The following TNRC6B variants were observed in gnomAD, a reference collection of about 807,000 sequenced individuals.
TNRC6B encodes trinucleotide repeat-containing gene 6B protein.
Under a neutral mutation model 203.6 loss-of-function variants are expected in TNRC6B, and 52 were observed. The ratio of observed to expected loss-of-function variants is 0.26; its 90% CI spans 0.20 to 0.32. The LOEUF (loss-of-function observed/expected upper bound fraction) is 0.32. Ranked by LOEUF, TNRC6B falls within the 10% of genes least tolerant of loss-of-function variation. The pLI is 1.00. For missense variants in TNRC6B, 1,923 were observed against 2,286.2 expected (o/e 0.84, Z 3.24); for synonymous variants, 838 against 845.7 (o/e 0.99, Z 0.16).
At chr22:40,151,829 T>G (rs915429040) in intron 3 of TNRC6B, among the ~76,000 whole-genome samples, 2 of 149,498 alleles carry the variant, frequency 1.3e-5, no homozygotes, top group African/African-American at 2.5e-5. Context: ...AGAGATTCAT[T>G]CAGACACAAA....
intron 1 of TNRC6B, among the ~76,000 whole-genome samples, chr22:40,098,212 C>A (rs2068200517): frequency 6.6e-6 from 1 of 151,368 alleles, no homozygotes; most frequent in Admixed American, 6.6e-5. Context: ...ATGGTGAAAC[C>A]CCATCTCTAC....
intron 1 of TNRC6B, among the ~76,000 whole-genome samples, chr22:40,093,576 C>T (rs1601811105): frequency 6.6e-6 from 1 of 152,146 alleles, no homozygotes; most frequent in Admixed American, 6.5e-5. Context: ...ACAGTGGAAG[C>T]CACAAGACAA....
chr22:40,075,992 G>A (rs1309714112), intron 1 of TNRC6B, among the ~76,000 whole-genome samples: 1 of 152,162 alleles, frequency 6.6e-6, no homozygotes, highest in Non-Finnish European at 1.5e-5. Context: ...CAAAAAGCCT[G>A]AAAAAGAAAA....
In TNRC6B at chr22:40,083,770, A is replaced by G. The variant is rs192461129; in HGVS notation, c.-120-33285A>G. Among the ~76,000 whole-genome samples, 6 of 152,144 alleles carry G rather than the reference A, an allele frequency of 3.9e-5. No homozygotes were observed. In the East Asian group the frequency reaches 1.2e-3, roughly 29 times the overall value. On this transcript the variant is annotated intron_variant, in intron 1 of 23. Transcript: ENST00000301923. ...TGTTGAAATAGGGGAAAGAGGGGAA[A>G]ATTGATGCAGATTCAGGTAGGTTTA...
In TNRC6B at chr22:40,265,045, A is replaced by C. The variant is rs536632301; in HGVS notation, c.815A>C (p.Asn272Thr). 1.1e-5 allele frequency: 17 copies of C among 1,613,934 alleles called. No individual in the cohort carries two copies. In the Admixed American group the frequency reaches 1.3e-4, roughly 13 times the overall value. The change falls in exon 5 of 23, where the codon AAC becomes ACC. Residue 272 changes from asparagine to threonine, a missense_variant. Asn to Thr is a moderately conservative substitution (Grantham distance 65, BLOSUM62 0). Around this residue, in one of 8 missense-constraint regions of TNRC6B, gnomAD observed 614 missense variants for 587.7 expected, o/e 1.04. Coordinates refer to ENST00000454349, the MANE Select transcript of TNRC6B (RefSeq NM_001162501.2). ...DPKAKSVQSS[N>T]STTENNNGLG... ...AAGGCTAAATCTGTTCAATCTTCCA[A>C]CTCTACTACAGAGAACAACAATGGA...
Position 40,323,947 on chromosome 22 carries a change from G to A in TNRC6B, c.*706G>A, listed in dbSNP as rs985609064. The A allele has an allele frequency of 1.3e-5, 2 of 152,420 alleles. No homozygotes were observed. The highest frequency in any genetic ancestry group is 4.8e-5 in the African/African-American group (2 of 41,424). The allele number at this position is 152,420 out of a possible 1,614,324, so 9.4% of individuals were successfully genotyped here. ...TCTCTGTCTCTGTGTGTGTGCCTGT[G>A]TTCTTCCCTTCTCCCCTGCCCCACC... On this transcript the variant is annotated 3_prime_UTR_variant, in exon 23 of 23. Coordinates refer to ENST00000454349, the MANE Select transcript of TNRC6B (RefSeq NM_001162501.2).
At chr22:40,210,929 C>T (rs1256948491) in intron 1 of TNRC6B, among the ~76,000 whole-genome samples, 2 of 152,112 alleles carry the variant, frequency 1.3e-5, no homozygotes, top group Non-Finnish European at 2.9e-5. Flanking sequence ...GCTATTAGCA[C>T]CCTGCCACCT....
chr22:40,053,189 A>AT (rs937187494), intron 1 of TNRC6B, among the ~76,000 whole-genome samples: 2 of 151,616 alleles, frequency 1.3e-5, no homozygotes, highest in African/African-American at 4.8e-5. Flanking sequence ...CTATGTTTAG[A>AT]TATTGTTATG....
chr22:40,182,578 A>T (rs2069148294), intron 1 of TNRC6B, among the ~76,000 whole-genome samples: 1 of 152,222 alleles, frequency 6.6e-6, no homozygotes, highest in Admixed American at 6.5e-5. Context: ...GCAGTAATTT[A>T]TTAAGCACTG....
In TNRC6B at chr22:40,222,728, C is replaced by CTTTTTTTTTTTTTTTTTTTTTTTTTTTTT. The variant is rs61374373; in HGVS notation, c.6-23282_6-23254dup. Among the ~76,000 whole-genome samples, 9 of 40,214 alleles carry CTTTTTTTTTTTTTTTTTTTTTTTTTTTTT rather than the reference C, an allele frequency of 2.2e-4. 2 individuals are homozygous for CTTTTTTTTTTTTTTTTTTTTTTTTTTTTT. The highest frequency in any genetic ancestry group is 0.023 in the Middle Eastern group (1 of 44). 26.4% of individuals were successfully genotyped at this position (40,214 alleles called of 152,430 possible). A position where few individuals can be genotyped will look rare whatever the true frequency, so the allele number is the denominator to read the frequency against. ...ATCTTGCTGTATTCTCTCTCTCTCT[C>CTTTTTTTTTTTTTTTTTTTTTTTTTTTTT]TTTTTTTTTTTTTTTTTTTTTTTTT... On this transcript the variant is annotated intron_variant, in intron 1 of 22. Coordinates refer to ENST00000454349, the MANE Select transcript of TNRC6B (RefSeq NM_001162501.2).
chr22:40,091,347 C>G (rs930996257), intron 1 of TNRC6B, among the ~76,000 whole-genome samples: 1 of 151,886 alleles, frequency 6.6e-6, no homozygotes, highest in Non-Finnish European at 1.5e-5. Flanking sequence ...GCTTCTAGAG[C>G]TATATAGTAA....
rs908795796 is a variant in TNRC6B, at chr22:40,329,900, C to A, written c.*6659C>A. ...ACCTGAATTTGTTTTTAACAAGAAACTGTACATGGCCAGGAAAAATGGTAC... is the reference window on the plus strand; with the variant it reads ...ACCTGAATTTGTTTTTAACAAGAAAATGTACATGGCCAGGAAAAATGGTAC... On this transcript the variant is annotated 3_prime_UTR_variant, in exon 23 of 23. Coordinates refer to ENST00000454349, the MANE Select transcript of TNRC6B (RefSeq NM_001162501.2). The A allele has an allele frequency of 6.6e-6, 1 of 152,172 alleles. No individual in the cohort carries two copies. Among genetic ancestry groups the A allele is most frequent in the Non-Finnish European group, 1.5e-5 (1 of 68,034 alleles). 9.4% of individuals were successfully genotyped at this position (152,172 alleles called of 1,614,324 possible). A position where few individuals can be genotyped will look rare whatever the true frequency, so the allele number is the denominator to read the frequency against.
chr22:40,205,524 T>G (rs1395723711), intron 1 of TNRC6B, among the ~76,000 whole-genome samples: 1 of 152,192 alleles, frequency 6.6e-6, no homozygotes, highest in African/African-American at 2.4e-5. Flanking sequence ...CCTAGAAGCT[T>G]TGGGATCTAG....
At chr22:40,183,844 G>T (rs2069168623) in intron 1 of TNRC6B, among the ~76,000 whole-genome samples, 2 of 152,066 alleles carry the variant, frequency 1.3e-5, no homozygotes, top group Non-Finnish European at 2.9e-5. Context: ...ACAGGCGCCT[G>T]CCACTACACC....
At chr22:40,232,904 C>T (rs1220586842) in intron 1 of TNRC6B, among the ~76,000 whole-genome samples, 1 of 152,120 alleles carries the variant, frequency 6.6e-6, no homozygotes, top group African/African-American at 2.4e-5. Context: ...GTAATCCCAG[C>T]ACTTTAGGAG....
intron 16 of TNRC6B, among the ~76,000 whole-genome samples, chr22:40,308,956 T>C (rs1233978559): frequency 7.9e-5 from 12 of 152,266 alleles, no homozygotes; most frequent in Admixed American, 4.6e-4. Context: ...TGAGTTTGTT[T>C]TGCGGAGCAA....
intron 1 of TNRC6B, among the ~76,000 whole-genome samples, chr22:40,180,050 AACATT>A (rs1174711760): frequency 2.0e-5 from 3 of 152,236 alleles, no homozygotes; most frequent in Non-Finnish European, 4.4e-5. Context: ...AAGGATTGGA[AACATT>A]ACATTAAAGA....
At chr22:40,259,512 G>A (rs1220181385) in intron 3 of TNRC6B, among the ~76,000 whole-genome samples, 1 of 152,130 alleles carries the variant, frequency 6.6e-6, no homozygotes, top group Non-Finnish European at 1.5e-5. Context: ...GTGAGCCATC[G>A]CGCCTGGCCG....
rs199638017 is a variant in TNRC6B at position 40,312,477 on chromosome 22, T to C, written c.4436-28T>C. 13 of 1,594,266 alleles carry C rather than the reference T, an allele frequency of 8.2e-6. No individual in the cohort carries two copies. In the Admixed American group the frequency reaches 2.3e-4, roughly 29 times the overall value. The stretch of plus-strand genomic sequence containing the variant: ...ATCATTTTTTTTTAACGACCTTCCT[T>C]CTCTAATATTTGTTTTCCTTGTCTC... On this transcript the variant is annotated intron_variant, in intron 17 of 22. Transcript: ENST00000454349.
Sources: allele counts gnomAD v4.1 joint callset (sites outside exome capture counted in the v4.1 genomes callset), GRCh38; gene constraint gnomAD v4.1.1; regional missense constraint gnomAD v4.1.1; transcripts MANE v1.5; gene names NCBI Gene and HGNC (gene_info 2026-07-23, HGNC 2026-07-21).